Variants in SLC30A10 observed in about 807,000 individuals in gnomAD.
SLC30A10 encodes the protein calcium/manganese antiporter SLC30A10.
A neutral mutation model predicts 21.7 loss-of-function variants in SLC30A10; 8 were observed. The ratio of observed to expected loss-of-function variants is 0.37; its 90% CI spans 0.22 to 0.67. The LOEUF (loss-of-function observed/expected upper bound fraction) is 0.67, where lower values mean the gene tolerates loss of function less well. Ranked by LOEUF, SLC30A10 falls within the 30% of genes least tolerant of loss-of-function variation. SLC30A10 has a pLI of 0.58. For synonymous variants in SLC30A10, 272 were observed against 279.4 expected (o/e 0.97, Z 0.26); for missense variants, 521 against 642.5 (o/e 0.81, Z 2.04).
At position 219,924,397 on chromosome 1, in the gene SLC30A10, C is replaced by G. The variant is rs117479715; in HGVS notation, c.718+2631G>C. ...AGCTGGGGTGACTTGGGGAAGTCGT[C>G]AAACTCTCCACACCCTGCTTCCTCA... On this transcript the variant is annotated intron_variant, in intron 2 of 3. Coordinates refer to ENST00000366926, the MANE Select transcript of SLC30A10 (RefSeq NM_018713.3). Among the ~76,000 whole-genome samples the G allele has an allele frequency of 7.9e-5, 12 of 152,248 alleles. No individual in the cohort carries two copies. The East Asian group carries it at 2.1e-3, about 27-fold the overall frequency.
rs57806725 is a variant in SLC30A10 at position 219,921,921 on chromosome 1, CAGAG to C, written c.719-3431_719-3428del. ...TGTGTGTGTGAAAGAGAGAGAGAGACAGAGAGAGAGAGAGAGAGAGAGACCGAGA... is the reference window on the plus strand; with the variant it reads ...TGTGTGTGTGAAAGAGAGAGAGAGACAGAGAGAGAGAGAGAGAGACCGAGA... On this transcript the variant is annotated intron_variant, in intron 2 of 3. Transcript: ENST00000366926. 3.6e-3 allele frequency among the ~76,000 whole-genome samples: 501 copies of C among 137,810 alleles called. 6 individuals are homozygous for C. Among genetic ancestry groups the C allele is most frequent in the African/African-American group, 0.011 (400 of 35,266 alleles). 90.4% of individuals were successfully genotyped at this position (137,810 alleles called of 152,430 possible). A position where few individuals can be genotyped will look rare whatever the true frequency, so the allele number is the denominator to read the frequency against.
Position 219,913,658 on chromosome 1 carries a change from C to A in SLC30A10, c.*1791G>T, listed in dbSNP as rs1027573969. ...AAAAATAGAAATTCTTACTTATTAA[C>A]CCCTTTGAGCTTATAAAGGGCATAT... On this transcript the variant is annotated 3_prime_UTR_variant, in exon 4 of 4. Transcript: ENST00000366926. 1 of 152,186 alleles carries A rather than the reference C, an allele frequency of 6.6e-6. No homozygotes were observed. The highest frequency in any genetic ancestry group is 1.5e-5 in the Non-Finnish European group (1 of 68,024). The allele number at this position is 152,186 out of a possible 1,614,324, so 9.4% of individuals were successfully genotyped here. A position where few individuals can be genotyped will look rare whatever the true frequency, so the allele number is the denominator to read the frequency against.
At chr1:219,916,003 G>C in intron 3 of SLC30A10, 55 bp from the exon 4 acceptor site, 3 of 1,568,438 alleles carry the variant, frequency 1.9e-6, no homozygotes, top group Non-Finnish European at 2.6e-6. Context: ...TTGAAACATG[G>C]AACTACAGGA....
Position 219,911,149 on chromosome 1 carries a change from G to GTTTTTTTTTTTTT in SLC30A10, c.*4287_*4299dup. Among the ~76,000 whole-genome samples, 46 of 49,414 alleles carry GTTTTTTTTTTTTT rather than the reference G, an allele frequency of 9.3e-4. No individual in the cohort carries two copies. The highest frequency in any genetic ancestry group is 1.3e-3 in the African/African-American group (23 of 17,170). 32.4% of individuals were successfully genotyped at this position (49,414 alleles called of 152,430 possible). The stretch of plus-strand genomic sequence containing the variant: ...ATGTTTCTTCATTTTTTCTACATCA[G>GTTTTTTTTTTTTT]TTTTTTTTTTTTTTTTTTTTTTTTT... On this transcript the variant is annotated 3_prime_UTR_variant, in exon 4 of 4. Transcript: ENST00000366926.
chr1:219,918,823 C>T lies in SLC30A10; in HGVS notation c.719-329G>A. 4.0e-6 allele frequency: 1 copy of T among 249,028 alleles called. No individual in the cohort carries two copies. The allele number at this position is 249,028 out of a possible 1,614,324, so 15.4% of individuals were successfully genotyped here. On this transcript the variant is annotated intron_variant, in intron 2 of 3. Coordinates refer to ENST00000366926, the MANE Select transcript of SLC30A10 (RefSeq NM_018713.3). This position sits in a 1 kb window ranked among gnomAD's most constrained non-coding sequence, Gnocchi z 4.4. Reference sequence around the variant, plus strand: ...AGGGCACCAAGCTGGAAAACAGGGGCTGTGCAAATGATTTCTTTTTCTTTC... The same window carrying T: ...AGGGCACCAAGCTGGAAAACAGGGGTTGTGCAAATGATTTCTTTTTCTTTC...
upstream of SLC30A10, among the ~76,000 whole-genome samples, chr1:219,929,719 A>T (rs929100944): frequency 6.6e-6 from 1 of 152,080 alleles, no homozygotes; most frequent in Non-Finnish European, 1.5e-5. Context: ...ACAGGGTTTC[A>T]CCATGTTGGC....
In SLC30A10 at chr1:219,915,535, A is replaced by T. The variant is rs1422455305; in HGVS notation, c.1372T>A (p.Ser458Thr). ...RDAREVAIEV[S>T]LDSCLSDHGQ... The stretch of plus-strand genomic sequence containing the variant: ...TGGTCACTCAGACAGCTATCCAAAG[A>T]CACTTCAATAGCCACTTCTCTTGCG... Residue 458 changes from serine to threonine, a missense_variant, in exon 4 of 4, where the codon TCT becomes ACT. Transcript: ENST00000366926. 1.2e-6 allele frequency: 2 copies of T among 1,614,060 alleles called. No individual in the cohort carries two copies. Among genetic ancestry groups the T allele is most frequent in the African/African-American group, 2.7e-5 (2 of 74,918 alleles).
At chr1:219,934,390 G>A (rs926936794) in intron 1 of SLC30A10, among the ~76,000 whole-genome samples, 4 of 152,118 alleles carry the variant, frequency 2.6e-5, no homozygotes, top group Non-Finnish European at 4.4e-5. Context: ...TTGAACCTGG[G>A]AGGCGGAGGT....
At chr1:219,945,294 T>C (rs938964318) in intron 1 of SLC30A10, among the ~76,000 whole-genome samples, 6 of 152,214 alleles carry the variant, frequency 3.9e-5, no homozygotes, top group African/African-American at 1.2e-4. Flanking sequence ...TAGAATTATA[T>C]AACTCATTGT....
At chr1:219,926,746 C>T (rs1302307998) in intron 2 of SLC30A10, among the ~76,000 whole-genome samples, 1 of 152,140 alleles carries the variant, frequency 6.6e-6, no homozygotes, top group African/African-American at 2.4e-5. Flanking sequence ...TATCCACGGA[C>T]CAGTAAAACC....
upstream of SLC30A10, among the ~76,000 whole-genome samples, chr1:219,933,160 G>A (rs905259570): frequency 1.3e-5 from 2 of 151,876 alleles, no homozygotes; most frequent in Admixed American, 1.3e-4. Flanking sequence ...CACCTAGAAC[G>A]AAGCAGCTCT....
chr1:219,952,944 C>T (rs1228870675), intron 1 of SLC30A10, among the ~76,000 whole-genome samples: 5 of 152,236 alleles, frequency 3.3e-5, no homozygotes, highest in East Asian at 1.9e-4. Flanking sequence ...GACCCCTTCA[C>T]GGGACAACAA....
At chr1:219,916,480 A>C (rs1659546053) in intron 3 of SLC30A10, among the ~76,000 whole-genome samples, 2 of 152,222 alleles carry the variant, frequency 1.3e-5, no homozygotes, top group African/African-American at 4.8e-5. Context: ...AGTAAGTTGC[A>C]TATTTAAGGA....
At chr1:219,948,714 T>A (rs893808115) in intron 1 of SLC30A10, among the ~76,000 whole-genome samples, 3 of 152,182 alleles carry the variant, frequency 2.0e-5, no homozygotes, top group Non-Finnish European at 1.5e-5. Context: ...AAGGACTTCA[T>A]GTCTAAAACA....
chr1:219,943,107 G>A (rs908534758), intron 1 of SLC30A10, among the ~76,000 whole-genome samples: 3 of 152,090 alleles, frequency 2.0e-5, no homozygotes, highest in African/African-American at 7.2e-5. Flanking sequence ...CACCTTGAGA[G>A]AAGCAGCAAA....
Position 219,918,452 on chromosome 1 carries a change from A to G in SLC30A10, c.761T>C (p.Val254Ala). 6.2e-7 allele frequency: 1 copy of G among 1,612,748 alleles called. No homozygotes were observed. Among genetic ancestry groups the G allele is most frequent in the Non-Finnish European group, 8.5e-7 (1 of 1,178,924 alleles). Residue 254 changes from valine to alanine, a missense_variant, in exon 3 of 4, where the codon GTT (valine) becomes GCT (alanine). By Grantham distance (64) the Val-to-Ala change is moderately conservative. Transcript: ENST00000366926. This position sits in a 1 kb window ranked among gnomAD's most constrained non-coding sequence, Gnocchi z 4.4. ...GAATATGATGGCCGTGATGACCACA[A>G]CCACGGACCCCAGGGCATCTCCCAT... ...HVMGDALGSV[V>A]VVITAIIFYV...
intron 1 of SLC30A10, among the ~76,000 whole-genome samples, chr1:219,938,176 G>A (rs1302473233): frequency 6.6e-6 from 1 of 152,168 alleles, no homozygotes; most frequent in Non-Finnish European, 1.5e-5. Flanking sequence ...TAACAGTGGG[G>A]GAAGGGGTTG....
chr1:219,911,247 C>T lies in SLC30A10; in HGVS notation c.*4202G>A, dbSNP rs367910964. Among the ~76,000 whole-genome samples, 6 of 136,832 alleles carry T rather than the reference C, an allele frequency of 4.4e-5. No individual in the cohort carries two copies. In the East Asian group the frequency reaches 1.4e-3, roughly 32 times the overall value. 89.8% of individuals were successfully genotyped at this position (136,832 alleles called of 152,430 possible). A position where few individuals can be genotyped will look rare whatever the true frequency, so the allele number is the denominator to read the frequency against. ...CTTTAAAATCAGGAAATGTATTTTG[C>T]TCTCTTGAAGAAAATAGATATGATT... On this transcript the variant is annotated 3_prime_UTR_variant, in exon 4 of 4. Coordinates refer to ENST00000366926, the MANE Select transcript of SLC30A10 (RefSeq NM_018713.3).
intron 1 of SLC30A10, among the ~76,000 whole-genome samples, chr1:219,958,382 T>C (rs1441394457): frequency 6.6e-6 from 1 of 152,172 alleles, no homozygotes; most frequent in African/African-American, 2.4e-5. Context: ...AAACTGCTGC[T>C]ACCCTACTCA....
Sources: gnomAD v4.1 joint callset for allele counts (sites outside exome capture counted in the v4.1 genomes callset) on GRCh38, gnomAD v4.1.1 for gene constraint, Gnocchi (gnomAD v3.1) non-coding constraint, MANE v1.5 for transcripts, NCBI Gene and HGNC (gene_info 2026-07-23, HGNC 2026-07-21) for gene names.